WWOX: variants seen among roughly 807,000 people sequenced by gnomAD.
WWOX encodes WW domain containing oxidoreductase.
WWOX carries 69 observed loss-of-function variants against 46.2 expected under a neutral mutation model. That is an observed-to-expected ratio of 1.49 (90% CI 1.23 to 1.82). The LOEUF (loss-of-function observed/expected upper bound fraction) is 1.82, where lower values mean the gene tolerates loss of function less well. WWOX is among the 40% of genes most tolerant of loss of function. The probability of loss-of-function intolerance (pLI) is 0.00; values close to 1 mark genes in which losing one functional copy is unlikely to be tolerated. For synonymous variants in WWOX, 359 were observed against 202.6 expected, an observed-to-expected ratio of 1.77 and a Z score of -6.56; for missense variants, 919 against 542.6, an observed-to-expected ratio of 1.69 and a Z score of -6.89.
At chr16:78,827,801 A>G (rs1286811097) in intron 8 of WWOX, among the ~76,000 whole-genome samples, 1 of 152,214 alleles carries the variant, frequency 6.6e-6, no homozygotes. Flanking sequence ...AGATGGCGCC[A>G]CTGCACTCTA....
chr16:78,391,985 G>GT (rs2082183041), intron 6 of WWOX, among the ~76,000 whole-genome samples: 1 of 148,084 alleles, frequency 6.8e-6, no homozygotes, highest in Admixed American at 6.8e-5. Context: ...TAATCTATAG[G>GT]TTTTGTCTCC....
At chr16:78,165,880 A>G (rs903916308) in intron 5 of WWOX, among the ~76,000 whole-genome samples, 1 of 152,328 alleles carries the variant, frequency 6.6e-6, no homozygotes, top group Middle Eastern at 3.4e-3. Flanking sequence ...GTTAAATAAA[A>G]AAGAAAACAG....
At chr16:78,951,644 C>T (rs528427477) in intron 8 of WWOX, among the ~76,000 whole-genome samples, 1 of 152,288 alleles carries the variant, frequency 6.6e-6, no homozygotes, top group East Asian at 1.9e-4. Context: ...GTCTTGATGT[C>T]AATCTTGTTT....
intron 5 of WWOX, among the ~76,000 whole-genome samples, chr16:78,182,324 G>T (rs554184807): frequency 1.8e-4 from 27 of 152,158 alleles, no homozygotes; most frequent in African/African-American, 6.3e-4. Flanking sequence ...AATGCTTGGG[G>T]CTCTGCCTAC....
chr16:79,038,144 C>T (rs934222016), intron 8 of WWOX, among the ~76,000 whole-genome samples: 3 of 152,138 alleles, frequency 2.0e-5, no homozygotes, highest in Non-Finnish European at 2.9e-5. Flanking sequence ...CCCCCGTGAA[C>T]CCCAGGACAG....
At chr16:78,482,772 A>G (rs1190672794) in intron 8 of WWOX, among the ~76,000 whole-genome samples, 1 of 152,200 alleles carries the variant, frequency 6.6e-6, no homozygotes, top group Non-Finnish European at 1.5e-5. Flanking sequence ...TTGTTGTACG[A>G]GAGTCAACGA....
chr16:78,834,463 G>C (rs1319153312), intron 8 of WWOX, among the ~76,000 whole-genome samples: 1 of 152,156 alleles, frequency 6.6e-6, no homozygotes, highest in East Asian at 1.9e-4. Flanking sequence ...TTATTGAGAG[G>C]TGTATAGGTT....
At chr16:78,698,578 T>C (rs1413115303) in intron 8 of WWOX, among the ~76,000 whole-genome samples, 1 of 152,182 alleles carries the variant, frequency 6.6e-6, no homozygotes, top group African/African-American at 2.4e-5. Flanking sequence ...ACCTTAAAAA[T>C]ATTATGCTAC....
At chr16:79,209,572 T>G (rs1271820780) in intron 8 of WWOX, among the ~76,000 whole-genome samples, 3 of 152,184 alleles carry the variant, frequency 2.0e-5, no homozygotes, top group Non-Finnish European at 4.4e-5. Context: ...CGGGAGTTAA[T>G]GGCAAGTCAC....
At chr16:78,729,235 G>T (rs2048907680) in intron 8 of WWOX, among the ~76,000 whole-genome samples, 1 of 151,920 alleles carries the variant, frequency 6.6e-6, no homozygotes, top group South Asian at 2.1e-4. Flanking sequence ...CCAGCTATTT[G>T]GGAGGCTGAG....
At chr16:78,807,708 C>T (rs932654548) in intron 8 of WWOX, among the ~76,000 whole-genome samples, 4 of 152,216 alleles carry the variant, frequency 2.6e-5, no homozygotes, top group African/African-American at 4.8e-5. Context: ...GAAGAAACAA[C>T]GTACTGTTAC....
chr16:78,564,623 C>T (rs1031926063), intron 8 of WWOX, among the ~76,000 whole-genome samples: 1 of 152,128 alleles, frequency 6.6e-6, no homozygotes, highest in Non-Finnish European at 1.5e-5. Flanking sequence ...CTTTTTAAAT[C>T]TGAACCTCAT....
chr16:78,578,498 C>G (rs975286351), intron 8 of WWOX, among the ~76,000 whole-genome samples: 1 of 151,296 alleles, frequency 6.6e-6, no homozygotes. Flanking sequence ...ACCATGTTAT[C>G]AGGATGGTCT....
chr16:78,694,550 C>T (rs1384266936), intron 8 of WWOX, among the ~76,000 whole-genome samples: 3 of 152,158 alleles, frequency 2.0e-5, no homozygotes, highest in South Asian at 2.1e-4. Context: ...CCTCTGGTAG[C>T]AGCCTGCATG....
At chr16:78,386,354 A>G (rs1006804340) in intron 5 of WWOX, among the ~76,000 whole-genome samples, 144 of 152,330 alleles carry the variant, frequency 9.5e-4, no homozygotes, top group African/African-American at 3.3e-3. Context: ...GAGGTCCGTC[A>G]GAATCCATTG....
chr16:78,626,182 G>C (rs1043503222), intron 8 of WWOX, among the ~76,000 whole-genome samples: 60 of 151,616 alleles, frequency 4.0e-4, no homozygotes, highest in African/African-American at 1.4e-3. Flanking sequence ...CCAGGATGGA[G>C]TGCAGTGGCG....
chr16:78,955,967 T>C (rs1049718224), intron 8 of WWOX, among the ~76,000 whole-genome samples: 22 of 150,758 alleles, frequency 1.5e-4, no homozygotes, highest in African/African-American at 5.1e-4. Flanking sequence ...CTTTTCACTT[T>C]AGAAAAAAAC....
chr16:78,795,875 G>T (rs561442493), intron 8 of WWOX, among the ~76,000 whole-genome samples: 13 of 152,222 alleles, frequency 8.5e-5, no homozygotes, highest in Non-Finnish European at 1.3e-4. Flanking sequence ...ATAGATGTTG[G>T]CTTTTATTAC....
rs573808280 is a variant in WWOX at position 78,659,226 on chromosome 16, G to T, written c.1056+226474G>T. ...TCATTTTACAGATGAGGAAATTGAG[G>T]CACAGACAGATTCAATAACTACGTG... is the stretch of plus-strand genomic sequence containing the variant. On this transcript the variant is annotated intron_variant, in intron 8 of 8. Transcript: ENST00000566780. Among the ~76,000 whole-genome samples the T allele has an allele frequency of 3.3e-5, 5 of 152,200 alleles. No homozygotes were observed. In the East Asian group the frequency reaches 9.7e-4, roughly 29 times the overall value.
Sources: gnomAD v4.1 joint callset for allele counts (sites outside exome capture counted in the v4.1 genomes callset) on GRCh38, gnomAD v4.1.1 for gene constraint, MANE v1.5 for transcripts, NCBI Gene and HGNC (gene_info 2026-07-23, HGNC 2026-07-21) for gene names.